Variants in CAMTA1 observed in about 807,000 individuals in gnomAD.
CAMTA1 encodes the protein calmodulin-binding transcription activator 1.
A neutral mutation model predicts 170.9 loss-of-function variants in CAMTA1; 27 were observed. The ratio of observed to expected loss-of-function variants is 0.16; its 90% CI spans 0.12 to 0.22. The LOEUF is 0.22. Among genes scored for constraint, CAMTA1 ranks in the 10% least tolerant of loss-of-function variants. The pLI is 1.00. For missense variants in CAMTA1, 1,619 were observed against 2,217.2 expected (o/e 0.73, Z 5.42); for synonymous variants, 833 against 891.5 (o/e 0.93, Z 1.17).
chr1:6,808,306 G>C (rs1332262580), intron 1 of CAMTA1, among the ~76,000 whole-genome samples: 1 of 152,022 alleles, frequency 6.6e-6, no homozygotes, highest in Non-Finnish European at 1.5e-5. Context: ...GGGCCACCTA[G>C]TTACTTCTCC....
At chr1:7,235,655 G>T (rs139222870) in intron 4 of CAMTA1, among the ~76,000 whole-genome samples, 153 of 152,248 alleles carry the variant, frequency 1.0e-3, no homozygotes, top group African/African-American at 3.6e-3. Context: ...GAAAGCACAC[G>T]CTGAATCTCT....
chr1:7,079,835 T>C (rs1639782059), intron 3 of CAMTA1, among the ~76,000 whole-genome samples: 1 of 152,140 alleles, frequency 6.6e-6, no homozygotes, highest in African/African-American at 2.4e-5. Context: ...AAGATAAGAA[T>C]TTTTGCAGAC....
intron 3 of CAMTA1, among the ~76,000 whole-genome samples, chr1:6,826,272 T>C (rs1442650202): frequency 6.6e-6 from 1 of 152,250 alleles, no homozygotes; most frequent in Non-Finnish European, 1.5e-5. Context: ...TTAACTTGTC[T>C]CAACTGATTG....
At position 6,855,641 on chromosome 1, in the gene CAMTA1, C is replaced by G. The variant is rs560437394; in HGVS notation, c.234+30431C>G. ...CCAGCACTGGAGATTACAGTGTGGA[C>G]ATGAGATTTGGGTGTGGACACAGAT... On this transcript the variant is annotated intron_variant, in intron 3 of 22. Transcript: ENST00000303635. Among the ~76,000 whole-genome samples, 3 of 152,202 alleles carry G rather than the reference C, an allele frequency of 2.0e-5. No individual in the cohort carries two copies. In the South Asian group the frequency reaches 6.2e-4, roughly 32 times the overall value.
At chr1:7,571,105 A>C (rs1010317533) in intron 6 of CAMTA1, among the ~76,000 whole-genome samples, 3 of 152,232 alleles carry the variant, frequency 2.0e-5, no homozygotes, top group Non-Finnish European at 2.9e-5. Context: ...TGCTATAGCA[A>C]AATGACATAA....
chr1:6,980,290 C>G (rs1557919704), intron 3 of CAMTA1, among the ~76,000 whole-genome samples: 1 of 152,144 alleles, frequency 6.6e-6, no homozygotes, highest in Non-Finnish European at 1.5e-5. Flanking sequence ...TCCTCTGTCT[C>G]CCTCCTTAGG....
intron 3 of CAMTA1, among the ~76,000 whole-genome samples, chr1:6,865,827 G>A (rs1666397484): frequency 6.6e-6 from 1 of 152,190 alleles, no homozygotes; most frequent in Admixed American, 6.5e-5. Flanking sequence ...AAGTGGGAGA[G>A]CTATAACCTG....
chr1:6,945,883 C>T (rs1306148523), intron 3 of CAMTA1, among the ~76,000 whole-genome samples: 19 of 152,206 alleles, frequency 1.2e-4, no homozygotes, highest in Admixed American at 1.2e-3. Flanking sequence ...GATTAAGCCA[C>T]ACTTTATTTG....
chr1:7,124,087 C>T (rs1328582907), intron 4 of CAMTA1, among the ~76,000 whole-genome samples: 3 of 152,142 alleles, frequency 2.0e-5, no homozygotes, highest in Admixed American at 2.0e-4. Flanking sequence ...TTCCAGGTAG[C>T]CTGCTGGGTG....
chr1:7,285,496 C>G (rs1194375460), intron 5 of CAMTA1, among the ~76,000 whole-genome samples: 1 of 152,170 alleles, frequency 6.6e-6, no homozygotes, highest in Non-Finnish European at 1.5e-5. Context: ...GCCAAACTAT[C>G]TGAAGGGAGT....
chr1:7,695,380 C>T (rs565568722), intron 11 of CAMTA1, among the ~76,000 whole-genome samples: 6 of 152,338 alleles, frequency 3.9e-5, no homozygotes, highest in East Asian at 3.9e-4. Context: ...CATTCCTCCC[C>T]GGCGTTCTCA....
At chr1:6,871,963 A>G in intron 3 of CAMTA1, 1 of 1,261,644 alleles carries the variant, frequency 7.9e-7, no homozygotes, top group South Asian at 2.6e-5. Flanking sequence ...TGAGTGATAA[A>G]TTTGCAAAAT....
rs2095774772 is a variant in CAMTA1 at position 7,642,816 on chromosome 1, T to C, written c.664+2263T>C. Among the ~76,000 whole-genome samples the C allele has an allele frequency of 6.6e-6, 1 of 152,120 alleles. No individual in the cohort carries two copies. The highest frequency in any genetic ancestry group is 1.5e-5 in the Non-Finnish European group (1 of 68,010). Reference sequence around the variant, plus strand: ...GGGGTAGCAAGAATCTAGCAGCCTCTGCCCTAAGACCAGCACTTCCAGCCA... The same window carrying C: ...GGGGTAGCAAGAATCTAGCAGCCTCCGCCCTAAGACCAGCACTTCCAGCCA... On this transcript the variant is annotated intron_variant, in intron 7 of 22. Coordinates refer to ENST00000303635, the MANE Select transcript of CAMTA1 (RefSeq NM_015215.4). The surrounding 1 kb of genome is among the most constrained non-coding windows in gnomAD (Gnocchi z 6.3).
At position 7,641,977 on chromosome 1, in the gene CAMTA1, A is replaced by G. The variant is rs534366557; in HGVS notation, c.664+1424A>G. Among the ~76,000 whole-genome samples, 15 of 143,390 alleles carry G rather than the reference A, an allele frequency of 1.0e-4. No individual in the cohort carries two copies. In the East Asian group the frequency reaches 2.7e-3, roughly 26 times the overall value. 94.1% of individuals were successfully genotyped at this position (143,390 alleles called of 152,430 possible). A position where few individuals can be genotyped will look rare whatever the true frequency, so the allele number is the denominator to read the frequency against. On this transcript the variant is annotated intron_variant, in intron 7 of 22. Transcript: ENST00000303635. This position sits in a 1 kb window ranked among gnomAD's most constrained non-coding sequence, Gnocchi z 4.5. ...ACCCGCAGCCCCCGGCCTCTGCAGG[A>G]CTCTGCGCCCTTTCCACCTGCTGTA...
chr1:7,575,670 A>G (rs2095182183), intron 6 of CAMTA1, among the ~76,000 whole-genome samples: 1 of 152,252 alleles, frequency 6.6e-6, no homozygotes, highest in Non-Finnish European at 1.5e-5. Flanking sequence ...GAGGAGTCTG[A>G]GTTCTGGCTC....
intron 4 of CAMTA1, among the ~76,000 whole-genome samples, chr1:7,236,087 T>C (rs1663798525): frequency 6.6e-6 from 1 of 152,178 alleles, no homozygotes; most frequent in African/African-American, 2.4e-5. Flanking sequence ...CACGGAATGC[T>C]TGTAACCAGT....
chr1:7,467,588 C>G (rs1171116099), intron 5 of CAMTA1, among the ~76,000 whole-genome samples: 1 of 152,212 alleles, frequency 6.6e-6, no homozygotes, highest in Non-Finnish European at 1.5e-5. Flanking sequence ...TCTATGGCTC[C>G]CGGAGGGTAA....
intron 6 of CAMTA1, among the ~76,000 whole-genome samples, chr1:7,480,151 G>A (rs904487347): frequency 1.0e-4 from 15 of 149,720 alleles, no homozygotes; most frequent in South Asian, 6.4e-4. Context: ...GCCTGTGTCC[G>A]TGTGGGTGCA....
intron 3 of CAMTA1, among the ~76,000 whole-genome samples, chr1:6,969,502 C>T (rs1036561076): frequency 6.6e-6 from 1 of 152,090 alleles, no homozygotes; most frequent in African/African-American, 2.4e-5. Flanking sequence ...GTGAGGAGGG[C>T]CCAGATGATG....
Sources: allele counts gnomAD v4.1 joint callset (sites outside exome capture counted in the v4.1 genomes callset), GRCh38; gene constraint gnomAD v4.1.1; non-coding constraint Gnocchi (gnomAD v3.1); transcripts MANE v1.5; gene names NCBI Gene and HGNC (gene_info 2026-07-23, HGNC 2026-07-21).